UBXN4: variants seen among roughly 807,000 people sequenced by gnomAD.
The protein encoded by UBXN4 is UBX domain-containing protein 4.
A neutral mutation model predicts 66.2 loss-of-function variants in UBXN4; 35 were observed. The observed-to-expected ratio is 0.53, with a 90% CI of 0.40 to 0.70. The LOEUF (loss-of-function observed/expected upper bound fraction) is 0.70, where lower values mean the gene tolerates loss of function less well. Ranked by LOEUF, UBXN4 falls within the 30% of genes least tolerant of loss-of-function variation. The pLI is 0.00. For synonymous variants in UBXN4, 203 were observed against 204.5 expected (o/e 0.99, Z 0.06); for missense variants, 533 against 599.8 (o/e 0.89, Z 1.16).
intron 9 of UBXN4, among the ~76,000 whole-genome samples, chr2:135,774,838 C>T (rs1289371835): frequency 6.8e-6 from 1 of 146,144 alleles, no homozygotes; most frequent in African/African-American, 2.6e-5. Flanking sequence ...GAGTGGGACT[C>T]TGTCTCAAAA....
chr2:135,754,931 A>G (rs1165711142), intron 4 of UBXN4, among the ~76,000 whole-genome samples: 2 of 151,870 alleles, frequency 1.3e-5, no homozygotes, highest in Non-Finnish European at 2.9e-5. Context: ...TTACAGGCGC[A>G]TGCCACCATG....
chr2:135,782,328 G>A (rs1464616539), intron 12 of UBXN4, among the ~76,000 whole-genome samples: 1 of 152,116 alleles, frequency 6.6e-6, no homozygotes, highest in Non-Finnish European at 1.5e-5. Context: ...AAGATTTTGC[G>A]AAGGATTTAA....
chr2:135,768,689 G>A (rs1281367733), intron 6 of UBXN4, among the ~76,000 whole-genome samples: 2 of 151,814 alleles, frequency 1.3e-5, no homozygotes, highest in Admixed American at 6.6e-5. Flanking sequence ...TCAGCCTCCC[G>A]AGTAGCTGGG....
Position 135,776,364 on chromosome 2 carries a change from C to A in UBXN4, c.1053+13C>A. 6.3e-7 allele frequency: 1 copy of A among 1,597,842 alleles called. No homozygotes were observed. Among genetic ancestry groups the A allele is most frequent in the Non-Finnish European group, 8.5e-7 (1 of 1,169,794 alleles). ...GTTTGCTGCACAGGTAAATTTATGTCTTGAGTTGTAGTAAAAATAGATGTG... is the reference window on the plus strand; with the variant it reads ...GTTTGCTGCACAGGTAAATTTATGTATTGAGTTGTAGTAAAAATAGATGTG... On this transcript the variant is annotated intron_variant, in intron 10 of 12. Coordinates refer to ENST00000272638, the MANE Select transcript of UBXN4 (RefSeq NM_014607.4).
chr2:135,741,911 C>A lies in UBXN4; in HGVS notation c.-19C>A. ...GCGGAGACTACACACCGAGCGAGCG[C>A]CTGGGCCCGAAGGGAGCGATGCTGT... On this transcript the variant is annotated 5_prime_UTR_variant, in exon 1 of 13. Coordinates refer to ENST00000272638, the MANE Select transcript of UBXN4 (RefSeq NM_014607.4). 6.2e-7 allele frequency: 1 copy of A among 1,608,074 alleles called. No individual in the cohort carries two copies. Among genetic ancestry groups the A allele is most frequent in the Non-Finnish European group, 8.5e-7 (1 of 1,177,652 alleles).
chr2:135,754,582 C>T (rs1466507049), intron 4 of UBXN4, among the ~76,000 whole-genome samples: 1 of 151,964 alleles, frequency 6.6e-6, no homozygotes, highest in Non-Finnish European at 1.5e-5. Context: ...CTCGGCCTCC[C>T]AAAGTGCTGA....
intron 2 of UBXN4, among the ~76,000 whole-genome samples, chr2:135,751,543 A>G (rs1336812307): frequency 1.3e-5 from 2 of 150,330 alleles, no homozygotes; most frequent in South Asian, 2.1e-4. Flanking sequence ...GTGATGGTTC[A>G]TGTTTGTTTC....
intron 3 of UBXN4, 120 bp from the exon 4 acceptor site, chr2:135,754,039 A>G (rs1434752628): frequency 2.8e-6 from 2 of 725,788 alleles, no homozygotes; most frequent in Non-Finnish European, 2.3e-6. Flanking sequence ...ATTATTTAAT[A>G]AATGTTAGAT....
intron 5 of UBXN4, among the ~76,000 whole-genome samples, chr2:135,758,763 A>G (rs1003328384): frequency 3.9e-5 from 6 of 152,046 alleles, no homozygotes; most frequent in African/African-American, 1.2e-4. Flanking sequence ...CTTTTAAAAT[A>G]ATTTTTTTTT....
At chr2:135,767,435 TC>T (rs1363921685) in intron 6 of UBXN4, among the ~76,000 whole-genome samples, 1 of 152,192 alleles carries the variant, frequency 6.6e-6, no homozygotes, top group Non-Finnish European at 1.5e-5. Context: ...AATTATGGAT[TC>T]CCTCCATAAG....
At chr2:135,775,071 G>C (rs1475454048) in intron 9 of UBXN4, among the ~76,000 whole-genome samples, 1 of 152,172 alleles carries the variant, frequency 6.6e-6, no homozygotes, top group Non-Finnish European at 1.5e-5. Context: ...TTAGTCATTA[G>C]GGAAATCAAG....
intron 7 of UBXN4, among the ~76,000 whole-genome samples, chr2:135,770,161 T>C (rs1483465519): frequency 6.6e-6 from 1 of 152,202 alleles, no homozygotes; most frequent in Non-Finnish European, 1.5e-5. Flanking sequence ...TTTTGCTGAA[T>C]TTTTCCTCTC....
chr2:135,744,850 T>G (rs1381890420), intron 1 of UBXN4, among the ~76,000 whole-genome samples: 1 of 152,208 alleles, frequency 6.6e-6, no homozygotes, highest in Non-Finnish European at 1.5e-5. Flanking sequence ...CTCAGTAGTA[T>G]TAGGAAAGTT....
chr2:135,760,906 G>A (rs1286835400), intron 5 of UBXN4, among the ~76,000 whole-genome samples: 2 of 152,190 alleles, frequency 1.3e-5, no homozygotes, highest in African/African-American at 2.4e-5. Flanking sequence ...AATGGGGAGG[G>A]AGAAGAGATA....
intron 6 of UBXN4, among the ~76,000 whole-genome samples, chr2:135,764,411 T>G (rs1397258318): frequency 3.3e-5 from 5 of 152,224 alleles, no homozygotes; most frequent in Non-Finnish European, 7.3e-5. Flanking sequence ...TGAGCTGCAT[T>G]TTGTCAAGTA....
intron 5 of UBXN4, among the ~76,000 whole-genome samples, chr2:135,756,703 T>G (rs2077280406): frequency 6.6e-6 from 1 of 152,210 alleles, no homozygotes; most frequent in Admixed American, 6.5e-5. Context: ...ATTTTGAAGA[T>G]AGACACATGT....
chr2:135,764,589 G>C (rs1372526358), intron 6 of UBXN4, among the ~76,000 whole-genome samples: 1 of 148,026 alleles, frequency 6.8e-6, no homozygotes, highest in African/African-American at 2.5e-5. Flanking sequence ...TGTAGCCTCT[G>C]ACTCCCGGGT....
chr2:135,776,182 A>T, intron 9 of UBXN4, 67 bp from the exon 10 acceptor site: 1 of 1,330,956 alleles, frequency 7.5e-7, no homozygotes, highest in Non-Finnish European at 1.1e-6. Context: ...CATTTTCTCT[A>T]ACTTAATGAT....
At chr2:135,774,192 G>T (rs2077399035) in intron 9 of UBXN4, among the ~76,000 whole-genome samples, 1 of 152,178 alleles carries the variant, frequency 6.6e-6, no homozygotes, top group Non-Finnish European at 1.5e-5. Flanking sequence ...GGAGTCTCTA[G>T]AAATAAACCC....
Sources: allele counts gnomAD v4.1 joint callset (sites outside exome capture counted in the v4.1 genomes callset), GRCh38; gene constraint gnomAD v4.1.1; transcripts MANE v1.5; gene names NCBI Gene and HGNC (gene_info 2026-07-23, HGNC 2026-07-21).